TUT4: variants seen among roughly 807,000 people sequenced by gnomAD.
TUT4 encodes the protein terminal uridylyltransferase 4.
TUT4 carries 36 observed loss-of-function variants against 192.2 expected under a neutral mutation model. The observed-to-expected ratio is 0.19, with a 90% CI of 0.14 to 0.25. The LOEUF is 0.25. TUT4 is among the 10% of genes least tolerant of loss of function. The probability of loss-of-function intolerance (pLI) is 1.00; values close to 1 mark genes in which losing one functional copy is unlikely to be tolerated. For synonymous variants in TUT4, 618 were observed against 666.0 expected, an observed-to-expected ratio of 0.93 and a Z score of 1.11; for missense variants, 1,493 against 1,957.2, an observed-to-expected ratio of 0.76 and a Z score of 4.47.
intron 20 of TUT4, among the ~76,000 whole-genome samples, chr1:52,449,260 T>G (rs917033337): frequency 6.6e-6 from 1 of 152,228 alleles, no homozygotes; most frequent in Non-Finnish European, 1.5e-5. Flanking sequence ...TCCAAAATTC[T>G]TATCTTATTG....
In TUT4 at chr1:52,489,048, AAG is replaced by A; in HGVS notation, c.1389-15_1389-14del. 1 of 1,603,264 alleles carries A rather than the reference AAG, an allele frequency of 6.2e-7. No individual in the cohort carries two copies. The highest frequency in any genetic ancestry group is 8.5e-7 in the Non-Finnish European group (1 of 1,176,888). ...ACAAAGTAAACCACTGTGAATGAGA[AAG>A]AAACAAATTTCATTGTATTAATACC... is the stretch of plus-strand genomic sequence containing the variant. On this transcript the variant is annotated splice_polypyrimidine_tract_variant and intron_variant, in intron 8 of 29. Transcript: ENST00000257177.
intron 13 of TUT4, among the ~76,000 whole-genome samples, chr1:52,472,792 C>T (rs1198136077): frequency 1.3e-5 from 2 of 152,038 alleles, no homozygotes; most frequent in Admixed American, 1.3e-4. Context: ...TATGCCAACT[C>T]AAAGAAAGAA....
At chr1:52,545,593 C>G (rs1219654239) in intron 1 of TUT4, among the ~76,000 whole-genome samples, 1 of 151,980 alleles carries the variant, frequency 6.6e-6, no homozygotes, top group East Asian at 1.9e-4. Flanking sequence ...CTGAATATCA[C>G]TAATCATTAG....
intron 19 of TUT4, among the ~76,000 whole-genome samples, chr1:52,458,667 C>A (rs1209331623): frequency 1.3e-5 from 2 of 152,032 alleles, no homozygotes; most frequent in African/African-American, 2.4e-5. Context: ...TGCAGTGAGA[C>A]CCCATCTTAC....
chr1:52,502,428 A>G (rs1674391502), intron 4 of TUT4, among the ~76,000 whole-genome samples: 1 of 152,142 alleles, frequency 6.6e-6, no homozygotes, highest in Admixed American at 6.5e-5. Flanking sequence ...TCAAATATTC[A>G]GCGAACCCTT....
intron 3 of TUT4, among the ~76,000 whole-genome samples, chr1:52,514,601 T>G (rs1678195587): frequency 6.6e-6 from 1 of 152,340 alleles, no homozygotes; most frequent in African/African-American, 2.4e-5. Flanking sequence ...ACTACTCTGC[T>G]GTAAGTTCTA....
intron 20 of TUT4, among the ~76,000 whole-genome samples, chr1:52,453,521 T>C (rs1660042629): frequency 6.6e-6 from 1 of 150,752 alleles, no homozygotes; most frequent in South Asian, 2.1e-4. Flanking sequence ...CCAACACACA[T>C]TCATGATTAA....
At chr1:52,549,424 G>T (rs1688857331) in intron 1 of TUT4, among the ~76,000 whole-genome samples, 1 of 152,024 alleles carries the variant, frequency 6.6e-6, no homozygotes, top group Non-Finnish European at 1.5e-5. Context: ...GGTCTGGAAT[G>T]ACCTCCAACC....
Position 52,436,903 on chromosome 1 carries a change from T to C in TUT4, c.4014A>G (p.Arg1338=). The change falls in exon 26 of 30, where the codon CGA becomes CGG. Residue 1338 remains arginine (R), a synonymous_variant. Transcript: ENST00000257177. The stretch of plus-strand genomic sequence containing the variant: ...GGAGGTCTCGGGGGTCAAGAACATC[T>C]CGGGAATCTTTCTCTTCTTCATTCC... ...KEGNEEEKDS[R]DVLDPRDLHD... is the part of the protein sequence containing the mutation. 6.3e-7 allele frequency: 1 copy of C among 1,592,294 alleles called. No homozygotes were observed. Among genetic ancestry groups the C allele is most frequent in the Non-Finnish European group, 8.5e-7 (1 of 1,170,392 alleles).
intron 1 of TUT4, among the ~76,000 whole-genome samples, chr1:52,547,503 C>A (rs1157738541): frequency 1.3e-5 from 2 of 151,984 alleles, no homozygotes; most frequent in Non-Finnish European, 2.9e-5. Context: ...TTTATCGAAA[C>A]ACCCAGCAAT....
intron 1 of TUT4, among the ~76,000 whole-genome samples, chr1:52,549,024 T>C (rs1180677095): frequency 6.6e-6 from 1 of 152,214 alleles, no homozygotes; most frequent in East Asian, 1.9e-4. Flanking sequence ...AAATTAAAAG[T>C]TCTTGGACAG....
At chr1:52,445,003 A>ATG (rs1053931318) in intron 24 of TUT4, among the ~76,000 whole-genome samples, 1 of 147,090 alleles carries the variant, frequency 6.8e-6, no homozygotes, top group African/African-American at 2.6e-5. Flanking sequence ...ATATACATGT[A>ATG]TGTGTGTATA....
intron 2 of TUT4, among the ~76,000 whole-genome samples, chr1:52,516,742 G>A (rs889323611): frequency 2.6e-5 from 4 of 152,158 alleles, no homozygotes; most frequent in Admixed American, 6.5e-5. Flanking sequence ...CTTTTGAAGA[G>A]TTCAGAATAA....
At chr1:52,493,707 C>G (rs372852183) in intron 6 of TUT4, 45 bp from the exon 7 acceptor site, 7 of 1,211,894 alleles carry the variant, frequency 5.8e-6, no homozygotes, top group Non-Finnish European at 5.9e-6. Flanking sequence ...TTTCAAAGTT[C>G]GGACAGCAGA....
At chr1:52,525,473 A>ACC in intron 2 of TUT4, 90 bp downstream of exon 2, 1 of 1,475,442 alleles carries the variant, frequency 6.8e-7, no homozygotes, top group Non-Finnish European at 9.0e-7. Flanking sequence ...ACAATTATGT[A>ACC]TAAACATGAC....
chr1:52,464,555 T>C (rs1663561221), intron 16 of TUT4, among the ~76,000 whole-genome samples: 1 of 152,120 alleles, frequency 6.6e-6, no homozygotes, highest in Non-Finnish European at 1.5e-5. Context: ...CGCCCAGCCC[T>C]TAGCATATCA....
intron 14 of TUT4, among the ~76,000 whole-genome samples, chr1:52,469,266 T>C (rs1178160798): frequency 6.6e-6 from 1 of 152,062 alleles, no homozygotes; most frequent in South Asian, 2.1e-4. Context: ...ATATTATAAA[T>C]GTATGAAACA....
intron 24 of TUT4, among the ~76,000 whole-genome samples, chr1:52,439,053 C>T (rs1009901867): frequency 6.6e-5 from 9 of 135,910 alleles, no homozygotes; most frequent in Admixed American, 2.4e-4. Context: ...CTGGGTGACA[C>T]AGCAAGACTC....
chr1:52,425,289 G>A, intron 29 of TUT4, 60 bp downstream of exon 29: 1 of 1,546,548 alleles, frequency 6.5e-7, no homozygotes, highest in Non-Finnish European at 8.7e-7. Context: ...CTTCACTAAG[G>A]CTCTCTATCC....
Sources: allele counts gnomAD v4.1 joint callset (sites outside exome capture counted in the v4.1 genomes callset), GRCh38; gene constraint gnomAD v4.1.1; transcripts MANE v1.5; gene names NCBI Gene and HGNC (gene_info 2026-07-23, HGNC 2026-07-21).